CCDC93: variants seen among roughly 807,000 people sequenced by gnomAD.
The protein encoded by CCDC93 is CCC complex scaffolding subunit CCDC93, also known as coiled-coil domain-containing protein 93.
Under a neutral mutation model 108.2 loss-of-function variants are expected in CCDC93, and 61 were observed. The ratio of observed to expected loss-of-function variants is 0.56; its 90% CI spans 0.46 to 0.70. CCDC93 has a LOEUF of 0.70. Among genes scored for constraint, CCDC93 ranks in the 30% least tolerant of loss-of-function variants. The pLI, the probability that CCDC93 is intolerant of heterozygous loss-of-function variation, is 0.00. For synonymous variants in CCDC93, 276 were observed against 260.4 expected, an observed-to-expected ratio of 1.06 and a Z score of -0.58; for missense variants, 685 against 764.2, an observed-to-expected ratio of 0.90 and a Z score of 1.22.
At chr2:118,009,621 G>T (rs149498836) in intron 1 of CCDC93, among the ~76,000 whole-genome samples, 1 of 152,058 alleles carries the variant, frequency 6.6e-6, no homozygotes, top group Admixed American at 6.5e-5. Context: ...GCAGTGAGGT[G>T]AGACTGTGCC....
intron 4 of CCDC93, chr2:117,999,716 T>G (rs1399211311): frequency 1.3e-5 from 2 of 152,220 alleles, no homozygotes; most frequent in African/African-American, 4.8e-5. Context: ...CATCCTCCCC[T>G]ATATTTTAAA....
chr2:117,938,767 T>G (rs1381303374), intron 20 of CCDC93, among the ~76,000 whole-genome samples: 1 of 152,150 alleles, frequency 6.6e-6, no homozygotes, highest in Admixed American at 6.5e-5. Flanking sequence ...CTCCAGAGCT[T>G]CCATTGTGTT....
intron 23 of CCDC93, among the ~76,000 whole-genome samples, chr2:117,922,988 T>C (rs1260547724): frequency 5.3e-5 from 8 of 150,134 alleles, no homozygotes; most frequent in Admixed American, 2.0e-4. Context: ...AGTTTTAAAT[T>C]TTTGCCAAGT....
chr2:117,934,756 A>C (rs191238567), intron 22 of CCDC93: 1 of 152,356 alleles, frequency 6.6e-6, no homozygotes, highest in East Asian at 1.9e-4. Context: ...CAAGATCGTA[A>C]GAGGAGAAAC....
chr2:118,008,685 G>A, intron 1 of CCDC93, 27 bp from the exon 2 acceptor site: 1 of 1,471,214 alleles, frequency 6.8e-7, no homozygotes, highest in South Asian at 1.1e-5. Context: ...AACTTTGGCT[G>A]GTAAAAGATA....
intron 6 of CCDC93, among the ~76,000 whole-genome samples, chr2:117,994,753 GATGT>G: frequency 6.6e-6 from 1 of 152,164 alleles, no homozygotes; most frequent in Non-Finnish European, 1.5e-5. Flanking sequence ...AAACCAACTA[GATGT>G]ATGACATAAT....
At chr2:118,013,263 C>T (rs1364547983) in intron 1 of CCDC93, among the ~76,000 whole-genome samples, 2 of 152,220 alleles carry the variant, frequency 1.3e-5, no homozygotes, top group Non-Finnish European at 2.9e-5. Context: ...GGAAAAGAAC[C>T]CCGCCCTCTT....
In CCDC93 at chr2:117,915,620, A is replaced by G. The variant is rs1677655459; in HGVS notation, c.*4723T>C. 1 of 152,258 alleles carries G rather than the reference A, an allele frequency of 6.6e-6. No individual in the cohort carries two copies. The highest frequency in any genetic ancestry group is 2.4e-5 in the African/African-American group (1 of 41,468). 9.4% of individuals were successfully genotyped at this position (152,258 alleles called of 1,614,324 possible). On this transcript the variant is annotated 3_prime_UTR_variant, in exon 24 of 24. Transcript: ENST00000376300. ...ATAGATAATACATGTACATGGTACA[A>G]AATTCAAAAGGTACAAAAGGTGTAC...
intron 23 of CCDC93, among the ~76,000 whole-genome samples, chr2:117,929,466 T>A (rs767430109): frequency 1.1e-4 from 17 of 152,156 alleles, no homozygotes; most frequent in Non-Finnish European, 2.1e-4. Flanking sequence ...AAGGAACTGG[T>A]GCCTTGGAGG....
At chr2:117,980,967 T>C (rs1341673836) in intron 7 of CCDC93, among the ~76,000 whole-genome samples, 1 of 152,216 alleles carries the variant, frequency 6.6e-6, no homozygotes, top group African/African-American at 2.4e-5. Flanking sequence ...CCTTTGTGTC[T>C]GGCTTCTTTG....
At position 117,917,428 on chromosome 2, in the gene CCDC93, C is replaced by T. The variant is rs72834376; in HGVS notation, c.*2915G>A. The T allele has an allele frequency of 0.015, 2,252 of 152,830 alleles. 19 individuals are homozygous for T. Among genetic ancestry groups the T allele is most frequent in the Non-Finnish European group, 0.023 (1,592 of 68,132 alleles). The allele number at this position is 152,830 out of a possible 1,614,324, so 9.5% of individuals were successfully genotyped here. A position where few individuals can be genotyped will look rare whatever the true frequency, so the allele number is the denominator to read the frequency against. ...GCTCGGTATTGTCAGAGAATGCTTC[C>T]CATGCCTGGACCCTGGACCTTCTGG... On this transcript the variant is annotated 3_prime_UTR_variant, in exon 24 of 24. Coordinates refer to ENST00000376300, the MANE Select transcript of CCDC93 (RefSeq NM_019044.5).
chr2:117,942,015 A>AGC (rs1303811184), intron 18 of CCDC93, among the ~76,000 whole-genome samples: 1 of 152,220 alleles, frequency 6.6e-6, no homozygotes, highest in Non-Finnish European at 1.5e-5. Flanking sequence ...CTTTGCCTGC[A>AGC]GCAGCAGATG....
intron 7 of CCDC93, among the ~76,000 whole-genome samples, chr2:117,980,514 G>C (rs981514439): frequency 6.6e-6 from 1 of 152,124 alleles, no homozygotes; most frequent in Non-Finnish European, 1.5e-5. Context: ...CCTCCTTAAA[G>C]ACAGAGGCTC....
chr2:117,992,088 A>T (rs1312505195), intron 6 of CCDC93, among the ~76,000 whole-genome samples: 1 of 152,076 alleles, frequency 6.6e-6, no homozygotes, highest in Admixed American at 6.6e-5. Context: ...GAAAAGAAAA[A>T]CCCAAAGGCA....
At chr2:117,949,663 T>A in intron 13 of CCDC93, 1 of 738,246 alleles carries the variant, frequency 1.4e-6, no homozygotes, top group South Asian at 6.1e-5. Context: ...CTTTGTACTT[T>A]TTGAATTTTG....
chr2:117,929,483 T>TA (rs1274479030), intron 23 of CCDC93, among the ~76,000 whole-genome samples: 1 of 152,206 alleles, frequency 6.6e-6, no homozygotes, highest in East Asian at 1.9e-4. Context: ...GAGGTCATCC[T>TA]AAGCTCTCAT....
chr2:117,920,307 G>C lies in CCDC93; in HGVS notation c.*36C>G, dbSNP rs1348836723. The C allele has an allele frequency of 2.7e-5, 42 of 1,531,780 alleles. No individual in the cohort carries two copies. The highest frequency in any genetic ancestry group is 3.7e-5 in the Non-Finnish European group (41 of 1,107,054). The allele number at this position is 1,531,780 out of a possible 1,614,324, so 94.9% of individuals were successfully genotyped here. ...TGTAGGTGATATACGGTGCTTAAAA[G>C]TAAAATCAATGACATACAGCCACGG... is the stretch of plus-strand genomic sequence containing the variant. On this transcript the variant is annotated 3_prime_UTR_variant, in exon 24 of 24. Coordinates refer to ENST00000376300, the MANE Select transcript of CCDC93 (RefSeq NM_019044.5).
At chr2:117,933,984 GGA>G (rs1678435925) in intron 22 of CCDC93, 1 of 152,154 alleles carries the variant, frequency 6.6e-6, no homozygotes, top group Admixed American at 6.5e-5. Context: ...ACCATGGAGG[GGA>G]GAGACAGATA....
chr2:117,951,843 A>G, intron 13 of CCDC93: 1 of 236,758 alleles, frequency 4.2e-6, no homozygotes, highest in Non-Finnish European at 7.2e-6. Context: ...TGGACTACAG[A>G]TTGAATCGCA....
Sources: gnomAD v4.1 joint callset for allele counts (sites outside exome capture counted in the v4.1 genomes callset) on GRCh38, gnomAD v4.1.1 for gene constraint, MANE v1.5 for transcripts, NCBI Gene and HGNC (gene_info 2026-07-23, HGNC 2026-07-21) for gene names.